Variants in TXNRD1 observed in about 807,000 individuals in gnomAD.
TXNRD1 encodes the protein thioredoxin reductase 1, also known as thioredoxin reductase 1, cytoplasmic.
Under a neutral mutation model 80.3 loss-of-function variants are expected in TXNRD1, and 57 were observed. That is an observed-to-expected ratio of 0.71 (90% confidence interval 0.57 to 0.89). The LOEUF (loss-of-function observed/expected upper bound fraction) is 0.89, where lower values mean the gene tolerates loss of function less well. TXNRD1 is among the 40% of genes least tolerant of loss of function. TXNRD1 has a pLI of 0.00. For synonymous variants in TXNRD1, 291 were observed against 285.2 expected (o/e 1.02, Z -0.20); for missense variants, 730 against 803.0 (o/e 0.91, Z 1.10).
intron 4 of TXNRD1, among the ~76,000 whole-genome samples, chr12:104,301,860 GA>G (rs1490617747): frequency 1.3e-5 from 2 of 152,148 alleles, no homozygotes; most frequent in African/African-American, 4.8e-5. Context: ...CTTTATTTTA[GA>G]AGAGGGATAA....
chr12:104,233,053 T>C (rs557363445), intron 1 of TXNRD1, among the ~76,000 whole-genome samples: 2 of 152,290 alleles, frequency 1.3e-5, no homozygotes, highest in African/African-American at 4.8e-5. Context: ...TAATAACATT[T>C]CCAAATAAGG....
At chr12:104,313,351 C>T in intron 6 of TXNRD1, 34 bp downstream of exon 6, 1 of 1,494,874 alleles carries the variant, frequency 6.7e-7, no homozygotes, top group African/African-American at 1.4e-5. Context: ...AGTGATGTTG[C>T]CGAAGTAGTT....
chr12:104,300,040 G>A (rs530218525), intron 4 of TXNRD1, among the ~76,000 whole-genome samples: 6 of 152,298 alleles, frequency 3.9e-5, no homozygotes, highest in African/African-American at 1.4e-4. Context: ...AAATCCATTT[G>A]TTATAGGTAA....
intron 4 of TXNRD1, chr12:104,303,747 G>C (rs2034744880): frequency 1.0e-6 from 1 of 976,318 alleles, no homozygotes; most frequent in African/African-American, 1.7e-5. Context: ...GCATGGGCGG[G>C]CGTCCTCGGC....
intron 4 of TXNRD1, chr12:104,305,131 C>A: frequency 1.9e-6 from 1 of 537,222 alleles, no homozygotes; most frequent in Non-Finnish European, 3.1e-6. Context: ...AAAACAAATT[C>A]ACTGGCATAT....
intron 15 of TXNRD1, among the ~76,000 whole-genome samples, chr12:104,335,671 A>T (rs2036114208): frequency 6.6e-6 from 1 of 152,108 alleles, no homozygotes; most frequent in African/African-American, 2.4e-5. Context: ...TTTAATATTG[A>T]CTCTTAAGAA....
intron 4 of TXNRD1, among the ~76,000 whole-genome samples, chr12:104,307,802 G>A (rs969057083): frequency 6.6e-6 from 1 of 152,140 alleles, no homozygotes; most frequent in Non-Finnish European, 1.5e-5. Flanking sequence ...GTGGGTCTGG[G>A]GAAAGGGATT....
chr12:104,219,163 C>G (rs1222957500), intron 1 of TXNRD1, among the ~76,000 whole-genome samples: 1 of 151,962 alleles, frequency 6.6e-6, no homozygotes, highest in Non-Finnish European at 1.5e-5. Flanking sequence ...CCCATCTGAT[C>G]TCGAACACCT....
At chr12:104,306,571 A>G (rs1367620136) in intron 4 of TXNRD1, among the ~76,000 whole-genome samples, 1 of 152,246 alleles carries the variant, frequency 6.6e-6, no homozygotes, top group Non-Finnish European at 1.5e-5. Flanking sequence ...GACTCAACAA[A>G]TGACACCAAG....
chr12:104,309,101 T>C (rs953095620), intron 4 of TXNRD1, among the ~76,000 whole-genome samples: 1 of 152,044 alleles, frequency 6.6e-6, no homozygotes, highest in African/African-American at 2.4e-5. Context: ...GGTTTCACCG[T>C]GTTGCCCAGG....
chr12:104,258,852 C>G (rs1203085091), intron 3 of TXNRD1, among the ~76,000 whole-genome samples: 1 of 152,092 alleles, frequency 6.6e-6, no homozygotes, highest in Non-Finnish European at 1.5e-5. Context: ...TTTGCTTGAG[C>G]CAAGGAGTTC....
intron 4 of TXNRD1, among the ~76,000 whole-genome samples, chr12:104,289,952 G>C (rs968182389): frequency 6.6e-6 from 1 of 152,164 alleles, no homozygotes; most frequent in Non-Finnish European, 1.5e-5. Context: ...ATCCACGGCT[G>C]GGTGCATGTT....
At chr12:104,260,272 A>G (rs936050729) in intron 3 of TXNRD1, among the ~76,000 whole-genome samples, 1 of 152,044 alleles carries the variant, frequency 6.6e-6, no homozygotes, top group Non-Finnish European at 1.5e-5. Flanking sequence ...GTTCAAGACC[A>G]GCCTGACCAG....
intron 15 of TXNRD1, among the ~76,000 whole-genome samples, chr12:104,338,697 C>CAAA (rs879386846): frequency 7.7e-6 from 1 of 129,886 alleles, no homozygotes; most frequent in Non-Finnish European, 1.7e-5. Context: ...TACTCCATCT[C>CAAA]AAAAAAAAAA....
At chr12:104,286,251 A>G (rs368907631) in intron 3 of TXNRD1, 1 of 152,238 alleles carries the variant, frequency 6.6e-6, no homozygotes, top group Admixed American at 6.5e-5. Context: ...ACAGTGCTGA[A>G]TAAGAACATG....
At chr12:104,274,827 T>C (rs1240846146) in intron 3 of TXNRD1, among the ~76,000 whole-genome samples, 1 of 152,274 alleles carries the variant, frequency 6.6e-6, no homozygotes, top group Admixed American at 6.5e-5. Context: ...GTGAGGGTGG[T>C]TGATCTGCAC....
intron 4 of TXNRD1, among the ~76,000 whole-genome samples, chr12:104,291,547 G>A (rs1281129960): frequency 2.8e-5 from 4 of 144,640 alleles, no homozygotes; most frequent in African/African-American, 7.8e-5. Context: ...TCAGTGGCGC[G>A]ATCTTGGCTC....
At position 104,348,834 on chromosome 12, in the gene TXNRD1, C is replaced by T. The variant is rs145848332; in HGVS notation, c.*413C>T. Reference sequence around the variant, plus strand: ...TGTTAATGATATTAGAGATGAAAAACGTTAGCAGTTGATTTTTGTCCAAAA... The same window carrying T: ...TGTTAATGATATTAGAGATGAAAAATGTTAGCAGTTGATTTTTGTCCAAAA... On this transcript the variant is annotated 3_prime_UTR_variant, in exon 17 of 17. Transcript: ENST00000525566. 2.0e-4 allele frequency: 34 copies of T among 167,092 alleles called. No homozygotes were observed. In the East Asian group the frequency reaches 4.0e-3, roughly 19 times the overall value. 10.4% of individuals were successfully genotyped at this position (167,092 alleles called of 1,614,324 possible).
intron 15 of TXNRD1, among the ~76,000 whole-genome samples, chr12:104,337,649 A>G (rs2036183422): frequency 6.6e-6 from 1 of 151,888 alleles, no homozygotes; most frequent in Admixed American, 6.6e-5. Flanking sequence ...TTAAGCTCAC[A>G]AGTTCGGGAC....
Sources: gnomAD v4.1 joint callset for allele counts (sites outside exome capture counted in the v4.1 genomes callset) on GRCh38, gnomAD v4.1.1 for gene constraint, MANE v1.5 for transcripts, NCBI Gene and HGNC (gene_info 2026-07-23, HGNC 2026-07-21) for gene names.